TWIST2: variants seen among roughly 807,000 people sequenced by gnomAD.
The protein encoded by TWIST2 is twist family bHLH transcription factor 2.
TWIST2 carries 1 observed loss-of-function variant against 11.6 expected under a neutral mutation model. That is an observed-to-expected ratio of 0.09 (90% confidence interval 0.03 to 0.41). The LOEUF is 0.41. TWIST2 is among the 10% of genes least tolerant of loss of function. The pLI, the probability that TWIST2 is intolerant of heterozygous loss-of-function variation, is 0.98. For missense variants in TWIST2, 168 were observed against 226.4 expected (o/e 0.74, Z 1.66); for synonymous variants, 87 against 96.6 (o/e 0.90, Z 0.58).
chr2:238,906,207 G>A (rs1693352397), intron 1 of TWIST2, among the ~76,000 whole-genome samples: 1 of 151,948 alleles, frequency 6.6e-6, no homozygotes, highest in African/African-American at 2.4e-5. Flanking sequence ...TGCGACATCA[G>A]ACACCCACGC....
At chr2:238,905,902 T>C (rs1171623495) in intron 1 of TWIST2, among the ~76,000 whole-genome samples, 20 of 115,334 alleles carry the variant, frequency 1.7e-4, no homozygotes, top group African/African-American at 5.6e-4. Flanking sequence ...TGCGCGTGTG[T>C]GCGTGTGTGT....
chr2:238,865,634 G>A (rs1466470951), intron 1 of TWIST2, among the ~76,000 whole-genome samples: 1 of 152,094 alleles, frequency 6.6e-6, no homozygotes, highest in Non-Finnish European at 1.5e-5. Flanking sequence ...ATGCCTGCAG[G>A]TTGAGTCTTT....
At chr2:238,851,727 G>A (rs1023214060) in intron 1 of TWIST2, among the ~76,000 whole-genome samples, 7 of 152,100 alleles carry the variant, frequency 4.6e-5, no homozygotes, top group East Asian at 1.9e-4. Context: ...TCAGTTCTTC[G>A]TGGAGAAGAA....
intron 1 of TWIST2, among the ~76,000 whole-genome samples, chr2:238,908,883 T>TATGTGTATGTGTGTTTATGTA: frequency 3.2e-4 from 1 of 3,168 alleles, no homozygotes; most frequent in Admixed American, 3.5e-3. Flanking sequence ...GTTTGTGTGG[T>TATGTGTATGTGTGTTTATGTA]GTGTGGTGGT....
chr2:238,901,949 A>T (rs1693273103), intron 1 of TWIST2, among the ~76,000 whole-genome samples: 1 of 152,018 alleles, frequency 6.6e-6, no homozygotes. Flanking sequence ...GCATTTTTGC[A>T]TGAACTGGGG....
intron 1 of TWIST2, among the ~76,000 whole-genome samples, chr2:238,908,713 GTGCAGT>G (rs1693397815): frequency 9.9e-6 from 1 of 101,154 alleles, no homozygotes; most frequent in South Asian, 3.4e-4. Flanking sequence ...TGTTTGTGCT[GTGCAGT>G]GTGTGTGTGG....
In TWIST2 at chr2:238,863,360, C is replaced by T. The variant is rs1433568765; in HGVS notation, c.*35+14627C>T. On this transcript the variant is annotated intron_variant, in intron 1 of 1. Transcript: ENST00000612363. This position sits in a 1 kb window ranked among gnomAD's most constrained non-coding sequence, Gnocchi z 4.7. Reference sequence around the variant, plus strand: ...TTCTGCAATCTACATTAAAGATGCCCGTCCATCATTTTCAGAAGAGGCCTT... The same window carrying T: ...TTCTGCAATCTACATTAAAGATGCCTGTCCATCATTTTCAGAAGAGGCCTT... Among the ~76,000 whole-genome samples the T allele has an allele frequency of 2.6e-5, 4 of 152,104 alleles. No homozygotes were observed. Among genetic ancestry groups the T allele is most frequent in the African/African-American group, 7.2e-5 (3 of 41,402 alleles).
chr2:238,869,018 A>G (rs545166212), intron 1 of TWIST2, among the ~76,000 whole-genome samples: 139 of 152,352 alleles, frequency 9.1e-4, no homozygotes, highest in African/African-American at 3.2e-3. Flanking sequence ...CAGGCAGCAG[A>G]TGGCACGGGT....
At position 238,910,408 on chromosome 2, in the gene TWIST2, AAT is replaced by A. The variant is rs1289244294; in HGVS notation, c.*605_*606del. ...TTGCTTGGCTAGCCATTTAAAAAAA[AAT>A]ATTCTCTGTTCAGTGTATATGTTGC... On this transcript the variant is annotated 3_prime_UTR_variant, in exon 2 of 2. Coordinates refer to ENST00000612363, the MANE Select transcript of TWIST2 (RefSeq NM_001271893.4). 1 of 152,154 alleles carries A rather than the reference AAT, an allele frequency of 6.6e-6. No individual in the cohort carries two copies. The highest frequency in any genetic ancestry group is 1.5e-5 in the Non-Finnish European group (1 of 68,030). 9.4% of individuals were successfully genotyped at this position (152,154 alleles called of 1,614,324 possible). A position where few individuals can be genotyped will look rare whatever the true frequency, so the allele number is the denominator to read the frequency against.
chr2:238,864,913 G>A lies in TWIST2; in HGVS notation c.*35+16180G>A, dbSNP rs2106354526. Reference sequence around the variant, plus strand: ...GATCCGCCAGGAGCAGAGAGCTCCGGAAGGCCTGCCGGGAGGACCTGGAGG... The same window carrying A: ...GATCCGCCAGGAGCAGAGAGCTCCGAAAGGCCTGCCGGGAGGACCTGGAGG... On this transcript the variant is annotated intron_variant, in intron 1 of 1. Coordinates refer to ENST00000612363, the MANE Select transcript of TWIST2 (RefSeq NM_001271893.4). This position sits in a 1 kb window ranked among gnomAD's most constrained non-coding sequence, Gnocchi z 4.7. Among the ~76,000 whole-genome samples, 1 of 152,290 alleles carries A rather than the reference G, an allele frequency of 6.6e-6. No individual in the cohort carries two copies. Among genetic ancestry groups the A allele is most frequent in the East Asian group, 1.9e-4 (1 of 5,152 alleles).
intron 1 of TWIST2, among the ~76,000 whole-genome samples, chr2:238,892,783 C>T (rs868771106): frequency 5.9e-5 from 9 of 152,272 alleles, no homozygotes; most frequent in Middle Eastern, 6.8e-3. Flanking sequence ...AACCGGCCTT[C>T]TAATATGTTT....
intron 1 of TWIST2, among the ~76,000 whole-genome samples, chr2:238,876,301 G>A (rs1032079266): frequency 6.6e-6 from 1 of 152,184 alleles, no homozygotes; most frequent in Non-Finnish European, 1.5e-5. Flanking sequence ...AAATTAGGAA[G>A]AATAAAACTT....
In TWIST2 at chr2:238,866,669, G is replaced by A. The variant is rs4075345; in HGVS notation, c.*35+17936G>A. Among the ~76,000 whole-genome samples the A allele has an allele frequency of 6.6e-6, 1 of 151,840 alleles. No homozygotes were observed. The highest frequency in any genetic ancestry group is 1.5e-5 in the Non-Finnish European group (1 of 67,906). ...GAGACTCCACCATGGAAAAAAAAAA[G>A]AAAAGCACGGCGCCTTCATGTTCCA... On this transcript the variant is annotated intron_variant, in intron 1 of 1. Coordinates refer to ENST00000612363, the MANE Select transcript of TWIST2 (RefSeq NM_001271893.4). The surrounding 1 kb of genome is among the most constrained non-coding windows in gnomAD (Gnocchi z 4.9).
At chr2:238,880,241 T>C in intron 1 of TWIST2, among the ~76,000 whole-genome samples, 1 of 151,868 alleles carries the variant, frequency 6.6e-6, no homozygotes, top group Admixed American at 6.6e-5. Flanking sequence ...TTATTAGTAT[T>C]AGTGTTAGTA....
intron 1 of TWIST2, among the ~76,000 whole-genome samples, chr2:238,879,341 C>T (rs895182511): frequency 2.6e-5 from 4 of 152,166 alleles, no homozygotes; most frequent in Non-Finnish European, 4.4e-5. Context: ...TGTCAGCCCA[C>T]GACTGTTCTG....
chr2:238,877,024 C>T (rs373441939), intron 1 of TWIST2, among the ~76,000 whole-genome samples: 2 of 152,104 alleles, frequency 1.3e-5, no homozygotes, highest in African/African-American at 4.8e-5. Flanking sequence ...CTGAGACCCC[C>T]GTCTCTACTA....
At chr2:238,885,171 C>T (rs1238591173) in intron 1 of TWIST2, among the ~76,000 whole-genome samples, 3 of 152,210 alleles carry the variant, frequency 2.0e-5, no homozygotes, top group Admixed American at 1.3e-4. Context: ...TCCCTCTCAG[C>T]GTCCCCATGG....
intron 1 of TWIST2, among the ~76,000 whole-genome samples, chr2:238,889,546 G>C (rs1004486754): frequency 1.3e-5 from 2 of 152,216 alleles, no homozygotes; most frequent in African/African-American, 4.8e-5. Flanking sequence ...CTTGGGTCCA[G>C]AGCAGAGCTC....
chr2:238,859,273 GC>G (rs1318716013), intron 1 of TWIST2, among the ~76,000 whole-genome samples: 3 of 151,396 alleles, frequency 2.0e-5, no homozygotes, highest in Non-Finnish European at 4.4e-5. Flanking sequence ...AAAACATTAT[GC>G]TAAGCTCAAG....
Sources: gnomAD v4.1 joint callset for allele counts (sites outside exome capture counted in the v4.1 genomes callset) on GRCh38, gnomAD v4.1.1 for gene constraint, Gnocchi (gnomAD v3.1) non-coding constraint, MANE v1.5 for transcripts, NCBI Gene and HGNC (gene_info 2026-07-23, HGNC 2026-07-21) for gene names.